DGKI: variants seen among roughly 807,000 people sequenced by gnomAD.
DGKI encodes the protein diacylglycerol kinase iota.
Under a neutral mutation model 147.5 loss-of-function variants are expected in DGKI, and 55 were observed. That is an observed-to-expected ratio of 0.37 (90% CI 0.30 to 0.47). The LOEUF is 0.47. Ranked by LOEUF, DGKI falls within the 20% of genes least tolerant of loss-of-function variation. The pLI is 1.00. For missense variants in DGKI, 1,007 were observed against 1,323.8 expected (o/e 0.76, Z 3.71); for synonymous variants, 469 against 477.1 (o/e 0.98, Z 0.22).
chr7:137,678,457 C>T (rs1823112944), intron 3 of DGKI, 100 bp downstream of exon 3: 1 of 1,108,692 alleles, frequency 9.0e-7, no homozygotes, highest in Non-Finnish European at 1.4e-6. Context: ...CTCACAAGGA[C>T]AGGCTCGTTC....
rs1819016502 is a variant in DGKI at position 137,577,250 on chromosome 7, C to T, written c.1733G>A (p.Arg578Lys). Residue 578 changes from arginine (R) to lysine (K), a missense_variant, in exon 17 of 33, where the codon AGA becomes AAA. Coordinates refer to ENST00000614521, the MANE Select transcript of DGKI (RefSeq NM_001321708.2). ...AACTTTAACATGTTTGGATAGATCT[C>T]TAGAACTTCTCTGTAGGAAGTCAGA... is the stretch of plus-strand genomic sequence containing the variant. ...AFSDFLQRSS[R>K]DLSKHVKVVC... The T allele has an allele frequency of 1.2e-6, 2 of 1,600,228 alleles. No individual in the cohort carries two copies. The highest frequency in any genetic ancestry group is 1.3e-5 in the African/African-American group (1 of 74,672).
chr7:137,819,638 T>C (rs919465895), intron 1 of DGKI, among the ~76,000 whole-genome samples: 2 of 152,282 alleles, frequency 1.3e-5, no homozygotes, highest in South Asian at 4.1e-4. Flanking sequence ...AATGATCATA[T>C]GGCCCAGCCT....
At chr7:137,394,794 C>T (rs879394804) in intron 32 of DGKI, among the ~76,000 whole-genome samples, 3 of 152,170 alleles carry the variant, frequency 2.0e-5, no homozygotes, top group Non-Finnish European at 2.9e-5. Context: ...ATCACTGTAC[C>T]TCAACAAAAC....
Position 137,389,666 on chromosome 7 carries a change from C to G in DGKI, c.*1554G>C, listed in dbSNP as rs1031042693. 6.6e-6 allele frequency: 1 copy of G among 152,078 alleles called. No homozygotes were observed. Among genetic ancestry groups the G allele is most frequent in the African/African-American group, 2.4e-5 (1 of 41,396 alleles). 9.4% of individuals were successfully genotyped at this position (152,078 alleles called of 1,614,324 possible). A position where few individuals can be genotyped will look rare whatever the true frequency, so the allele number is the denominator to read the frequency against. On this transcript the variant is annotated 3_prime_UTR_variant, in exon 33 of 33. Transcript: ENST00000614521. ...CCCCCAAGTCAAGTAGATATTTGGA[C>G]AGAAAGACAGACATTTTCTTCTGAT... is the stretch of plus-strand genomic sequence containing the variant.
At chr7:137,448,100 A>T (rs1035725019) in intron 27 of DGKI, among the ~76,000 whole-genome samples, 1 of 152,180 alleles carries the variant, frequency 6.6e-6, no homozygotes, top group African/African-American at 2.4e-5. Context: ...AGCTAAAGAG[A>T]TATAAACTAT....
intron 1 of DGKI, among the ~76,000 whole-genome samples, chr7:137,803,711 G>T (rs1378798968): frequency 2.0e-5 from 3 of 152,124 alleles, no homozygotes; most frequent in Admixed American, 6.5e-5. Flanking sequence ...TTCACTTCCA[G>T]GAGCTTCAAT....
rs144130787 is a variant in DGKI, at chr7:137,701,862, C to T, written c.402-11860G>A. On this transcript the variant is annotated intron_variant, in intron 1 of 32. Transcript: ENST00000614521. The stretch of plus-strand genomic sequence containing the variant: ...AAAACATAAAATAGCCAAATAACCT[C>T]GATAAAAAAGAAAAAGTTGGAGGGA... Among the ~76,000 whole-genome samples, 19 of 151,874 alleles carry T rather than the reference C, an allele frequency of 1.3e-4. No individual in the cohort carries two copies. The East Asian group carries it at 2.9e-3, about 23-fold the overall frequency.
chr7:137,598,050 G>A (rs1347373219), intron 11 of DGKI, 143 bp from the exon 12 acceptor site: 1 of 677,812 alleles, frequency 1.5e-6, no homozygotes, highest in Non-Finnish European at 2.6e-6. Context: ...GCTATCATAG[G>A]TCCCAAGTAA....
intron 21 of DGKI, among the ~76,000 whole-genome samples, chr7:137,517,309 AAG>A (rs1816797639): frequency 7.2e-6 from 1 of 139,614 alleles, no homozygotes; most frequent in African/African-American, 2.8e-5. Flanking sequence ...GAAAGAAAGA[AAG>A]AAAGAAAGAA....
intron 23 of DGKI, among the ~76,000 whole-genome samples, chr7:137,476,054 T>C (rs1263446733): frequency 6.6e-6 from 1 of 152,148 alleles, no homozygotes; most frequent in Non-Finnish European, 1.5e-5. Flanking sequence ...TTTCAAATAG[T>C]CCTGGTGCTG....
At chr7:137,444,630 T>C (rs1022512497) in intron 27 of DGKI, among the ~76,000 whole-genome samples, 3 of 152,232 alleles carry the variant, frequency 2.0e-5, no homozygotes, top group African/African-American at 7.2e-5. Context: ...CTGCATTATG[T>C]CTCAGAACCC....
intron 28 of DGKI, 117 bp from the exon 29 acceptor site, chr7:137,412,324 A>C (rs1457301435): frequency 1.0e-6 from 1 of 976,772 alleles, no homozygotes; most frequent in Non-Finnish European, 1.6e-6. Flanking sequence ...GAATCAGGGA[A>C]GGAAAATATC....
intron 1 of DGKI, among the ~76,000 whole-genome samples, chr7:137,690,211 G>A (rs1236409618): frequency 6.6e-6 from 1 of 152,112 alleles, no homozygotes; most frequent in African/African-American, 2.4e-5. Context: ...GGAGGTCAAG[G>A]GGACCACTGT....
At chr7:137,505,094 G>C (rs935196443) in intron 21 of DGKI, among the ~76,000 whole-genome samples, 1 of 149,386 alleles carries the variant, frequency 6.7e-6, no homozygotes, top group Non-Finnish European at 1.5e-5. Context: ...CATAGACAAA[G>C]GGGGGGAACA....
intron 14 of DGKI, 74 bp from the exon 15 acceptor site, chr7:137,582,002 G>A (rs1819213703): frequency 2.4e-6 from 3 of 1,226,306 alleles, no homozygotes; most frequent in African/African-American, 1.5e-5. Context: ...ACCTAAAGCT[G>A]GACCCCTATC....
chr7:137,698,418 G>A lies in DGKI; in HGVS notation c.402-8416C>T, dbSNP rs528239565. 5.9e-5 allele frequency among the ~76,000 whole-genome samples: 9 copies of A among 152,260 alleles called. No homozygotes were observed. The East Asian group carries it at 7.7e-4, about 13-fold the overall frequency. On this transcript the variant is annotated intron_variant, in intron 1 of 32. Transcript: ENST00000614521. ...AGCTGGACTATGAGATAGTTGTAACGGAAGCCTCAGTTGGCCTCACAAGAA... is the reference window on the plus strand; with the variant it reads ...AGCTGGACTATGAGATAGTTGTAACAGAAGCCTCAGTTGGCCTCACAAGAA...
At chr7:137,723,415 G>T (rs545935127) in intron 1 of DGKI, among the ~76,000 whole-genome samples, 21 of 152,266 alleles carry the variant, frequency 1.4e-4, no homozygotes, top group African/African-American at 5.1e-4. Flanking sequence ...AAAAAGCCAC[G>T]CAAATCAAAA....
chr7:137,560,677 T>C (rs1818390611), intron 19 of DGKI, among the ~76,000 whole-genome samples: 1 of 152,124 alleles, frequency 6.6e-6, no homozygotes, highest in Admixed American at 6.5e-5. Flanking sequence ...ATGGTCCTTA[T>C]AAAGAAAAAT....
chr7:137,721,250 A>G (rs1794547846), intron 1 of DGKI, among the ~76,000 whole-genome samples: 1 of 152,216 alleles, frequency 6.6e-6, no homozygotes, highest in African/African-American at 2.4e-5. Flanking sequence ...ACTACAAACA[A>G]TCCTACAATG....
Sources: gnomAD v4.1 joint callset for allele counts (sites outside exome capture counted in the v4.1 genomes callset) on GRCh38, gnomAD v4.1.1 for gene constraint, MANE v1.5 for transcripts, NCBI Gene and HGNC (gene_info 2026-07-23, HGNC 2026-07-21) for gene names.